Variants in FBRSL1 observed in about 807,000 individuals in gnomAD.
FBRSL1 encodes the protein fibrosin-1-like protein.
In FBRSL1, 51 loss-of-function variants were observed where a neutral mutation model predicts 89.6. The ratio of observed to expected loss-of-function variants is 0.57; its 90% CI spans 0.45 to 0.72. The LOEUF (loss-of-function observed/expected upper bound fraction) is 0.72, where lower values mean the gene tolerates loss of function less well. Ranked by LOEUF, FBRSL1 falls within the 30% of genes least tolerant of loss-of-function variation. FBRSL1 has a pLI of 0.00. For missense variants in FBRSL1, 1,618 were observed against 1,451.8 expected, an observed-to-expected ratio of 1.11 and a Z score of -1.86; for synonymous variants, 779 against 681.1, an observed-to-expected ratio of 1.14 and a Z score of -2.24.
rs1055972964 is a variant in FBRSL1 at position 132,583,664 on chromosome 12, C to G, written c.2895C>G (p.Pro965=). ...CCCCCCTGGTGACGGCGGCCGGGCC[C>G]CCCACGCCCCCCGGGCCGCCGCGGA... ...APPPLVTAAG[P]PTPPGPPRSR... is the part of the protein sequence containing the mutation. The change falls in exon 19 of 19, where the codon CCC becomes CCG. Residue 965 remains proline, a synonymous_variant. Transcript: ENST00000680143. 2.8e-6 allele frequency: 3 copies of G among 1,087,946 alleles called. No homozygotes were observed. The highest frequency in any genetic ancestry group is 3.4e-5 in the African/African-American group (2 of 59,150). The allele number at this position is 1,087,946 out of a possible 1,614,324, so 67.4% of individuals were successfully genotyped here.
chr12:132,584,039 A>AT lies in FBRSL1; in HGVS notation c.*266dup, dbSNP rs1201541688. The AT allele has an allele frequency of 5.1e-6, 1 of 195,958 alleles. No individual in the cohort carries two copies. Among genetic ancestry groups the AT allele is most frequent in the African/African-American group, 2.3e-5 (1 of 42,706 alleles). 12.1% of individuals were successfully genotyped at this position (195,958 alleles called of 1,614,324 possible). A position where few individuals can be genotyped will look rare whatever the true frequency, so the allele number is the denominator to read the frequency against. ...TGAGAAGTGTTTGTAATGGATTTGT[A>AT]TTTTTCTTAATTTTATGCTCTTTAG... On this transcript the variant is annotated 3_prime_UTR_variant, in exon 19 of 19. Transcript: ENST00000680143.
intron 2 of FBRSL1, chr12:132,509,312 G>C: frequency 8.0e-7 from 1 of 1,248,166 alleles, no homozygotes; most frequent in Non-Finnish European, 1.0e-6. Flanking sequence ...ACCCTGGGCA[G>C]CCCTGCCAGC....
Position 132,583,222 on chromosome 12 carries a change from G to A in FBRSL1, c.2453G>A (p.Arg818His), listed in dbSNP as rs1426128385. The A allele has an allele frequency of 7.8e-6, 11 of 1,409,756 alleles. No individual in the cohort carries two copies. The highest frequency in any genetic ancestry group is 2.5e-4 in the Middle Eastern group (1 of 3,970). 87.3% of individuals were successfully genotyped at this position (1,409,756 alleles called of 1,614,324 possible). ...APGDVKVKEE[R>H]GEDEASEPPA... ...GGAGACGTGAAGGTCAAGGAGGAGCGCGGGGAGGACGAGGCCTCCGAGCCC... is the reference window on the plus strand; with the variant it reads ...GGAGACGTGAAGGTCAAGGAGGAGCACGGGGAGGACGAGGCCTCCGAGCCC... The change falls in exon 19 of 19, where the codon CGC (arginine) becomes CAC (histidine). Residue 818 changes from arginine to histidine, a missense_variant. Coordinates refer to ENST00000680143, the MANE Select transcript of FBRSL1 (RefSeq NM_001367871.1).
chr12:132,539,068 T>G (rs1011664414), intron 4 of FBRSL1, among the ~76,000 whole-genome samples: 1 of 151,542 alleles, frequency 6.6e-6, no homozygotes, highest in Non-Finnish European at 1.5e-5. Flanking sequence ...AGTTTCCCCA[T>G]CCGGCAGCAG....
intron 1 of FBRSL1, among the ~76,000 whole-genome samples, chr12:132,492,398 T>C (rs1054434732): frequency 3.9e-5 from 6 of 152,230 alleles, no homozygotes; most frequent in Non-Finnish European, 8.8e-5. Flanking sequence ...TGTTTTAGAA[T>C]GTCTTTGCTC....
intron 14 of FBRSL1, 95 bp from the exon 15 acceptor site, chr12:132,576,704 G>A: frequency 7.1e-7 from 1 of 1,405,558 alleles, no homozygotes; most frequent in Non-Finnish European, 9.6e-7. Context: ...TACTGGACTG[G>A]CTCACACCCA....
chr12:132,536,022 T>C (rs975243180), intron 4 of FBRSL1, among the ~76,000 whole-genome samples: 2 of 151,258 alleles, frequency 1.3e-5, no homozygotes, highest in Non-Finnish European at 2.9e-5. Context: ...TTGTACATGG[T>C]GTGTTGTTTA....
intron 2 of FBRSL1, among the ~76,000 whole-genome samples, chr12:132,524,447 C>T (rs2035616515): frequency 6.6e-6 from 1 of 152,266 alleles, no homozygotes; most frequent in Non-Finnish European, 1.5e-5. Context: ...CCCTGTCAGC[C>T]ACCCAGGGAG....
intron 5 of FBRSL1, chr12:132,551,280 C>G (rs1180388036): frequency 2.5e-6 from 1 of 405,390 alleles, no homozygotes; most frequent in East Asian, 7.3e-5. Flanking sequence ...TTTACAGGGA[C>G]CCTCAGAGAC....
chr12:132,560,777 AGTCC>A (rs1480712905), intron 5 of FBRSL1, among the ~76,000 whole-genome samples: 1 of 152,284 alleles, frequency 6.6e-6, no homozygotes, highest in Admixed American at 6.5e-5. Context: ...GCGGACCCGG[AGTCC>A]TCCCACCTGT....
intron 15 of FBRSL1, among the ~76,000 whole-genome samples, chr12:132,577,607 CAGTCACCCACTCCCCCG>C (rs1183132293): frequency 9.9e-5 from 15 of 152,182 alleles, no homozygotes; most frequent in East Asian, 7.7e-4. Flanking sequence ...TCCCTGCCCT[CAGTCACCCACTCCCCCG>C]AGTCACCCCC....
intron 18 of FBRSL1, 123 bp downstream of exon 18, chr12:132,582,389 TC>T (rs1259391978): frequency 6.2e-6 from 4 of 645,520 alleles, no homozygotes; most frequent in African/African-American, 2.0e-5. Flanking sequence ...CCCTCACCGT[TC>T]CCCCTCCCCC....
chr12:132,573,314 A>C (rs1181952643), intron 11 of FBRSL1, among the ~76,000 whole-genome samples: 1 of 152,132 alleles, frequency 6.6e-6, no homozygotes, highest in African/African-American at 2.4e-5. Flanking sequence ...AGCTGCCCTG[A>C]AGGGCCCAGC....
chr12:132,573,929 G>T (rs986753623), intron 11 of FBRSL1, among the ~76,000 whole-genome samples, 161 bp from the exon 12 acceptor site: 2 of 152,176 alleles, frequency 1.3e-5, no homozygotes, highest in African/African-American at 4.8e-5. Context: ...CAAAAGTGTG[G>T]TGGTCCTGCG....
chr12:132,555,423 A>ACGGTAGCTGCGCCACCCGAGCGTGAGCG (rs2038543763), intron 5 of FBRSL1, among the ~76,000 whole-genome samples: 1 of 39,348 alleles, frequency 2.5e-5, no homozygotes, highest in Non-Finnish European at 4.2e-5. Context: ...GAGCGTGAGC[A>ACGGTAGCTGCGCCACCCGAGCGTGAGCG]TGGCCTCCAC....
rs371082354 is a variant in FBRSL1 at position 132,508,224 on chromosome 12, G to A, written c.363G>A (p.Glu121=). Residue 121 remains glutamate (E), a synonymous_variant, in exon 2 of 19, where the codon GAG becomes GAA. Transcript: ENST00000680143. ...WERRLIKKPR[E]SETCPPAEPS... is the part of the protein sequence containing the mutation. ...GTCGTCTCATCAAGAAGCCCCGGGA[G>A]TCGGAAACCTGCCCCCCTGCGGAGC... The A allele has an allele frequency of 3.8e-4, 587 of 1,551,182 alleles. No individual in the cohort carries two copies. The highest frequency in any genetic ancestry group is 4.9e-4 in the Non-Finnish European group (566 of 1,146,942).
intron 5 of FBRSL1, among the ~76,000 whole-genome samples, chr12:132,559,676 G>A (rs2038946481): frequency 6.6e-6 from 1 of 152,212 alleles, no homozygotes; most frequent in South Asian, 2.1e-4. Context: ...TGCTGTTTCA[G>A]GCGCCGGCCA....
At chr12:132,528,776 A>G (rs1199963823) in intron 4 of FBRSL1, among the ~76,000 whole-genome samples, 8 of 134,960 alleles carry the variant, frequency 5.9e-5, no homozygotes, top group East Asian at 2.2e-4. Context: ...TGCCCGGGGG[A>G]AGCAGGTGTG....
At chr12:132,522,037 G>T (rs2035402066) in intron 2 of FBRSL1, among the ~76,000 whole-genome samples, 1 of 152,098 alleles carries the variant, frequency 6.6e-6, no homozygotes, top group South Asian at 2.1e-4. Context: ...AGCCAGCGTG[G>T]CCCCTCAGCC....
Sources: allele counts gnomAD v4.1 joint callset (sites outside exome capture counted in the v4.1 genomes callset), GRCh38; gene constraint gnomAD v4.1.1; transcripts MANE v1.5; gene names NCBI Gene and HGNC (gene_info 2026-07-23, HGNC 2026-07-21).